Variants in VPS13C observed in about 807,000 individuals in gnomAD.
VPS13C encodes the protein vacuolar protein sorting 13 homolog C.
VPS13C carries 358 observed loss-of-function variants against 456.8 expected under a neutral mutation model. The ratio of observed to expected loss-of-function variants is 0.78; its 90% CI spans 0.72 to 0.86. VPS13C has a LOEUF of 0.86. VPS13C is among the 40% of genes least tolerant of loss of function. The probability of loss-of-function intolerance (pLI) is 0.00; values close to 1 mark genes in which losing one functional copy is unlikely to be tolerated. For synonymous variants in VPS13C, 1,578 were observed against 1,486.7 expected (o/e 1.06, Z -1.41); for missense variants, 4,818 against 4,385.4 (o/e 1.10, Z -2.79).
chr15:61,857,528 T>C (rs1222850609), intron 82 of VPS13C, among the ~76,000 whole-genome samples: 1 of 152,176 alleles, frequency 6.6e-6, no homozygotes, highest in Non-Finnish European at 1.5e-5. Context: ...AAAATGAGCT[T>C]AGCGCCAGAC....
intron 41 of VPS13C, among the ~76,000 whole-genome samples, 167 bp downstream of exon 41, chr15:61,950,191 A>C (rs1181994520): frequency 6.6e-6 from 1 of 152,204 alleles, no homozygotes; most frequent in Non-Finnish European, 1.5e-5. Flanking sequence ...TTTTGTAAGA[A>C]CTTTATTCCA....
Position 61,920,150 on chromosome 15 carries a change from T to A in VPS13C, c.7394A>T (p.Glu2465Val), listed in dbSNP as rs767670257. 1.2e-6 allele frequency: 2 copies of A among 1,613,626 alleles called. No individual in the cohort carries two copies. The highest frequency in any genetic ancestry group is 8.5e-7 in the Non-Finnish European group (1 of 1,179,666). The change falls in exon 57 of 85, where the codon GAG becomes GTG. Residue 2465 changes from glutamate to valine, a missense_variant. Physicochemically the swap from Glu to Val is moderately radical, Grantham distance 121 (BLOSUM62 -2). Coordinates refer to ENST00000644861, the MANE Select transcript of VPS13C (RefSeq NM_020821.3). ...DVDAGQNLEL[E>V]YASMVPSSQG... ...ACTTGAAGGTACCATGCTGGCATAC[T>A]CCAGTTCCAAATTCTGGCCAGCATC... is the stretch of plus-strand genomic sequence containing the variant.
At chr15:61,988,142 C>T (rs896682527) in intron 18 of VPS13C, among the ~76,000 whole-genome samples, 2 of 152,008 alleles carry the variant, frequency 1.3e-5, no homozygotes, top group Admixed American at 1.3e-4. Context: ...AACGCATGAA[C>T]TGGAAAAAGT....
At chr15:61,966,223 TATTTATA>T in intron 29 of VPS13C, 81 bp from the exon 30 acceptor site, 1 of 917,284 alleles carries the variant, frequency 1.1e-6, no homozygotes, top group East Asian at 2.8e-5. Context: ...CTGGTTAATT[TATTTATA>T]GTTATAAATG....
In VPS13C at chr15:62,022,231, A is replaced by G. The variant is rs562248252; in HGVS notation, c.624+1180T>C. On this transcript the variant is annotated intron_variant, in intron 8 of 84. Coordinates refer to ENST00000644861, the MANE Select transcript of VPS13C (RefSeq NM_020821.3). ...ACACAAACAGTACCAAACCCTAAAT[A>G]TACTAGGTTTTTTCCTATATATACA... Among the ~76,000 whole-genome samples the G allele has an allele frequency of 2.1e-4, 32 of 151,960 alleles. 1 individual carries two copies. The South Asian group carries it at 4.8e-3, about 23-fold the overall frequency.
At chr15:61,902,223 G>A (rs1231693323) in intron 66 of VPS13C, among the ~76,000 whole-genome samples, 2 of 149,870 alleles carry the variant, frequency 1.3e-5, no homozygotes, top group Admixed American at 6.7e-5. Flanking sequence ...TAACTAACCT[G>A]CACAATGTGC....
chr15:61,891,804 T>C (rs1290428987), intron 66 of VPS13C, among the ~76,000 whole-genome samples: 1 of 152,162 alleles, frequency 6.6e-6, no homozygotes, highest in Non-Finnish European at 1.5e-5. Flanking sequence ...GTAGAAGCAA[T>C]GTGGCTTCAC....
At chr15:61,886,536 G>A (rs575543001) in intron 67 of VPS13C, among the ~76,000 whole-genome samples, 38 of 152,036 alleles carry the variant, frequency 2.5e-4, no homozygotes, top group Non-Finnish European at 4.7e-4. Flanking sequence ...ACTCAAACAT[G>A]CTGTGATTTG....
chr15:62,022,249 T>C (rs569927922), intron 8 of VPS13C, among the ~76,000 whole-genome samples: 256 of 151,982 alleles, frequency 1.7e-3, no homozygotes, highest in Non-Finnish European at 2.5e-3. Flanking sequence ...TTTTTTCCTA[T>C]ATATACATAC....
chr15:62,041,771 G>T (rs1269163656), intron 2 of VPS13C, among the ~76,000 whole-genome samples: 1 of 151,886 alleles, frequency 6.6e-6, no homozygotes, highest in Non-Finnish European at 1.5e-5. Flanking sequence ...AGTGAGTCGG[G>T]ATCGCGCCAC....
chr15:62,014,316 T>TA (rs938559861), intron 9 of VPS13C, among the ~76,000 whole-genome samples: 15 of 152,166 alleles, frequency 9.9e-5, no homozygotes, highest in Admixed American at 5.2e-4. Flanking sequence ...ACATTCTTTT[T>TA]AAAAAAACAA....
intron 16 of VPS13C, among the ~76,000 whole-genome samples, chr15:61,998,770 G>A (rs1360114495): frequency 5.9e-5 from 9 of 152,032 alleles, no homozygotes; most frequent in East Asian, 1.9e-4. Context: ...GGGTTTGAAC[G>A]GCATGAGTAC....
intron 58 of VPS13C, among the ~76,000 whole-genome samples, chr15:61,919,074 A>G (rs1245288535): frequency 6.6e-6 from 1 of 152,118 alleles, no homozygotes; most frequent in African/African-American, 2.4e-5. Context: ...GCTTTAAGTA[A>G]ACAAAACTAC....
chr15:61,959,433 C>T lies in VPS13C; in HGVS notation c.4056+15G>A. 2 of 1,536,654 alleles carry T rather than the reference C, an allele frequency of 1.3e-6. No individual in the cohort carries two copies. Among genetic ancestry groups the T allele is most frequent in the African/African-American group, 1.4e-5 (1 of 72,504 alleles). ...AATTTCAACAATGAAGTTTTTTCTT[C>T]ACTCATATACTTACATTCATTGAAT... On this transcript the variant is annotated intron_variant, in intron 36 of 84. Coordinates refer to ENST00000644861, the MANE Select transcript of VPS13C (RefSeq NM_020821.3).
At position 61,941,854 on chromosome 15, in the gene VPS13C, T is replaced by C. The variant is rs1342867483; in HGVS notation, c.5362A>G (p.Asn1788Asp). ...TCCATAGGAACCAAGCTAAACTTGT[T>C]TTCAACTCTGATTAAACCCAGATCT... ...IADLGLIRVENKFSLVPMEHY... is the reference protein window; with the variant it reads ...IADLGLIRVEDKFSLVPMEHY... The change falls in exon 46 of 85, where the codon AAC becomes GAC. Residue 1788 changes from asparagine (N) to aspartate (D), a missense_variant. Asn to Asp is a conservative substitution (Grantham distance 23). Transcript: ENST00000644861. 6.2e-7 allele frequency: 1 copy of C among 1,614,004 alleles called. No individual in the cohort carries two copies. Among genetic ancestry groups the C allele is most frequent in the Admixed American group, 1.7e-5 (1 of 60,022 alleles).
At chr15:61,961,059 C>A (rs962041276) in intron 35 of VPS13C, among the ~76,000 whole-genome samples, 1 of 150,522 alleles carries the variant, frequency 6.6e-6, no homozygotes, top group Non-Finnish European at 1.5e-5. Context: ...CCAGCCTGGG[C>A]GACAGAGCAA....
intron 27 of VPS13C, 35 bp downstream of exon 27, chr15:61,972,590 A>G (rs762669308): frequency 6.2e-7 from 1 of 1,600,608 alleles, no homozygotes; most frequent in Non-Finnish European, 8.5e-7. Context: ...AGTGACAGCC[A>G]GAATATATCT....
chr15:61,867,132 A>G lies in VPS13C; in HGVS notation c.10863+1527T>C, dbSNP rs1894651264. ...TTGGTTTTTGAAAATAAAGAAATCT[A>G]TGTATTCAAGTGCCACACAGCAATT... On this transcript the variant is annotated intron_variant, in intron 81 of 84. Coordinates refer to ENST00000644861, the MANE Select transcript of VPS13C (RefSeq NM_020821.3). This position sits in a 1 kb window ranked among gnomAD's most constrained non-coding sequence, Gnocchi z 5.0. 2 of 981,552 alleles carry G rather than the reference A, an allele frequency of 2.0e-6. No homozygotes were observed. Among genetic ancestry groups the G allele is most frequent in the African/African-American group, 1.7e-5 (1 of 57,152 alleles). The allele number at this position is 981,552 out of a possible 1,614,324, so 60.8% of individuals were successfully genotyped here.
At chr15:61,960,857 C>A (rs1196651489) in intron 35 of VPS13C, among the ~76,000 whole-genome samples, 2 of 152,152 alleles carry the variant, frequency 1.3e-5, no homozygotes, top group African/African-American at 4.8e-5. Context: ...GGGCAGAACA[C>A]CTGATATCAG....
Sources: gnomAD v4.1 joint callset for allele counts (sites outside exome capture counted in the v4.1 genomes callset) on GRCh38, gnomAD v4.1.1 for gene constraint, Gnocchi (gnomAD v3.1) non-coding constraint, MANE v1.5 for transcripts, NCBI Gene and HGNC (gene_info 2026-07-23, HGNC 2026-07-21) for gene names.